CACNA2D3: variants seen among roughly 807,000 people sequenced by gnomAD.
CACNA2D3 encodes the protein calcium voltage-gated channel auxiliary subunit alpha2delta 3.
Under a neutral mutation model 160.6 loss-of-function variants are expected in CACNA2D3, and 60 were observed. That is an observed-to-expected ratio of 0.37 (90% CI 0.30 to 0.46). The LOEUF is 0.46. Among genes scored for constraint, CACNA2D3 ranks in the 20% least tolerant of loss-of-function variants. The probability of loss-of-function intolerance (pLI) is 1.00; values close to 1 mark genes in which losing one functional copy is unlikely to be tolerated. For synonymous variants in CACNA2D3, 558 were observed against 492.9 expected, an observed-to-expected ratio of 1.13 and a Z score of -1.75; for missense variants, 1,205 against 1,365.0, an observed-to-expected ratio of 0.88 and a Z score of 1.85.
At chr3:54,256,931 T>C (rs1187260321) in intron 2 of CACNA2D3, among the ~76,000 whole-genome samples, 1 of 152,222 alleles carries the variant, frequency 6.6e-6, no homozygotes, top group Non-Finnish European at 1.5e-5. Flanking sequence ...TCGCACTTTT[T>C]GGGTCAGTGC....
At chr3:54,655,030 C>T (rs888337306) in intron 11 of CACNA2D3, among the ~76,000 whole-genome samples, 9 of 152,208 alleles carry the variant, frequency 5.9e-5, no homozygotes, top group Non-Finnish European at 1.0e-4. Flanking sequence ...GCTGGGGGCC[C>T]AGCCTCACAG....
chr3:54,191,690 C>T (rs1288295872), intron 2 of CACNA2D3, among the ~76,000 whole-genome samples: 1 of 152,024 alleles, frequency 6.6e-6, no homozygotes, highest in Non-Finnish European at 1.5e-5. Context: ...TGGTGTTAGG[C>T]AGGGCTGGGT....
chr3:54,267,140 A>G (rs889958642), intron 2 of CACNA2D3, among the ~76,000 whole-genome samples: 8 of 152,202 alleles, frequency 5.3e-5, no homozygotes, highest in African/African-American at 1.9e-4. Context: ...GACATTTCCA[A>G]GTGTGACAGT....
intron 27 of CACNA2D3, among the ~76,000 whole-genome samples, chr3:54,928,634 C>A (rs1048880567): frequency 9.2e-5 from 14 of 152,180 alleles, no homozygotes; most frequent in African/African-American, 3.1e-4. Flanking sequence ...GTGGACATCA[C>A]AACCTTCCTT....
chr3:55,051,170 G>C (rs931571394), intron 35 of CACNA2D3, among the ~76,000 whole-genome samples: 1 of 152,188 alleles, frequency 6.6e-6, no homozygotes, highest in African/African-American at 2.4e-5. Flanking sequence ...TTTGGAGGAG[G>C]AGAGGTGCTC....
intron 2 of CACNA2D3, among the ~76,000 whole-genome samples, chr3:54,244,170 C>A (rs1353501346): frequency 2.6e-5 from 4 of 152,144 alleles, no homozygotes; most frequent in African/African-American, 9.7e-5. Context: ...CCAGCCTTGA[C>A]AGTCTCCTCC....
chr3:54,385,147 G>A (rs1049212306), intron 3 of CACNA2D3, among the ~76,000 whole-genome samples: 2 of 152,178 alleles, frequency 1.3e-5, no homozygotes, highest in African/African-American at 2.4e-5. Context: ...AACTTTAGTG[G>A]CATCAGAATT....
chr3:54,377,538 A>G (rs530625576), intron 3 of CACNA2D3, among the ~76,000 whole-genome samples: 14 of 152,318 alleles, frequency 9.2e-5, no homozygotes, highest in African/African-American at 3.4e-4. Context: ...ACTTGTGTGG[A>G]ATCCTTTGGG....
intron 11 of CACNA2D3, among the ~76,000 whole-genome samples, chr3:54,686,226 G>T (rs75276932): frequency 6.6e-6 from 1 of 152,154 alleles, no homozygotes; most frequent in East Asian, 1.9e-4. Flanking sequence ...ATTGTCTGTG[G>T]CTGCTTTTTC....
chr3:54,574,988 C>A (rs751985638), intron 8 of CACNA2D3, among the ~76,000 whole-genome samples: 45 of 152,202 alleles, frequency 3.0e-4, no homozygotes, highest in Non-Finnish European at 6.2e-4. Context: ...TTAAAGTAAT[C>A]GATTCCGTAT....
intron 4 of CACNA2D3, among the ~76,000 whole-genome samples, chr3:54,482,931 A>G (rs1165486420): frequency 6.6e-6 from 1 of 152,222 alleles, no homozygotes; most frequent in African/African-American, 2.4e-5. Flanking sequence ...AACCAGTCAC[A>G]TGCCCAACAC....
At chr3:55,034,838 T>A (rs1476285969) in intron 35 of CACNA2D3, among the ~76,000 whole-genome samples, 2 of 152,168 alleles carry the variant, frequency 1.3e-5, no homozygotes, top group Admixed American at 1.3e-4. Flanking sequence ...TAGATGAATG[T>A]CTTTACTCTG....
intron 2 of CACNA2D3, among the ~76,000 whole-genome samples, chr3:54,292,789 T>C (rs1213559406): frequency 2.0e-5 from 3 of 152,140 alleles, no homozygotes; most frequent in African/African-American, 7.2e-5. Flanking sequence ...AAGTTAAATA[T>C]AGAGTTACCA....
At chr3:54,841,441 A>C (rs1199893090) in intron 16 of CACNA2D3, among the ~76,000 whole-genome samples, 1 of 152,200 alleles carries the variant, frequency 6.6e-6, no homozygotes, top group Non-Finnish European at 1.5e-5. Flanking sequence ...GATATGGCAT[A>C]AGTTAACCTA....
At chr3:54,503,706 A>G in intron 5 of CACNA2D3, 52 bp downstream of exon 5, 1 of 1,532,798 alleles carries the variant, frequency 6.5e-7, no homozygotes, top group East Asian at 2.3e-5. Context: ...CAGGGGGTTG[A>G]GAAGCAGGGG....
intron 27 of CACNA2D3, among the ~76,000 whole-genome samples, chr3:54,958,451 A>T (rs1388926330): frequency 2.0e-5 from 3 of 152,194 alleles, no homozygotes; most frequent in African/African-American, 7.2e-5. Context: ...GCAGTAAGGG[A>T]GAATACAACC....
intron 3 of CACNA2D3, among the ~76,000 whole-genome samples, chr3:54,338,395 A>G (rs1704438356): frequency 6.6e-6 from 1 of 152,072 alleles, no homozygotes. Context: ...AAAAGGTGAT[A>G]GATACACTTG....
At chr3:55,037,508 A>G (rs1216381872) in intron 35 of CACNA2D3, among the ~76,000 whole-genome samples, 2 of 152,330 alleles carry the variant, frequency 1.3e-5, no homozygotes, top group Middle Eastern at 3.4e-3. Flanking sequence ...GAGAAAGCAG[A>G]TAATACCTCC....
intron 35 of CACNA2D3, among the ~76,000 whole-genome samples, chr3:55,031,526 G>C (rs374826990): frequency 6.6e-6 from 1 of 152,086 alleles, no homozygotes; most frequent in African/African-American, 2.4e-5. Flanking sequence ...AGGACATCCC[G>C]TATACTCAAA....
Sources: allele counts gnomAD v4.1 joint callset (sites outside exome capture counted in the v4.1 genomes callset), GRCh38; gene constraint gnomAD v4.1.1; transcripts MANE v1.5; gene names NCBI Gene and HGNC (gene_info 2026-07-23, HGNC 2026-07-21).